NAALADL2: variants seen among roughly 807,000 people sequenced by gnomAD.
NAALADL2 encodes N-acetylated alpha-linked acidic dipeptidase like 2.
A neutral mutation model predicts 87.2 loss-of-function variants in NAALADL2; 76 were observed. The observed-to-expected ratio is 0.87, with a 90% confidence interval of 0.72 to 1.05. The LOEUF is 1.05. Ranked by LOEUF, NAALADL2 falls within the 50% of genes least tolerant of loss-of-function variation. The probability of loss-of-function intolerance (pLI) is 0.00; values close to 1 mark genes in which losing one functional copy is unlikely to be tolerated. For synonymous variants in NAALADL2, 354 were observed against 331.0 expected (o/e 1.07, Z -0.75); for missense variants, 1,089 against 945.8 (o/e 1.15, Z -1.99).
At chr3:174,919,857 T>A (rs1022535761) in intron 1 of NAALADL2, among the ~76,000 whole-genome samples, 1 of 152,218 alleles carries the variant, frequency 6.6e-6, no homozygotes, top group African/African-American at 2.4e-5. Context: ...TTGATCCATA[T>A]GCTGCAGAAC....
chr3:175,782,744 C>T (rs1191686328), intron 13 of NAALADL2, among the ~76,000 whole-genome samples: 1 of 141,372 alleles, frequency 7.1e-6, no homozygotes, highest in Non-Finnish European at 1.5e-5. Context: ...CTTTTGTTGC[C>T]ATTGCTTTTG....
At chr3:175,061,128 C>T (rs1261310519) in intron 1 of NAALADL2, among the ~76,000 whole-genome samples, 1 of 152,046 alleles carries the variant, frequency 6.6e-6, no homozygotes, top group Non-Finnish European at 1.5e-5. Flanking sequence ...ATCCATTTTT[C>T]TTTTCTTAAA....
chr3:174,799,812 A>G (rs1172768040), intron 3 of NAALADL2, among the ~76,000 whole-genome samples: 1 of 152,160 alleles, frequency 6.6e-6, no homozygotes, highest in Non-Finnish European at 1.5e-5. Flanking sequence ...AATGGCTTTG[A>G]CCAAAAGCCT....
chr3:175,201,218 T>A, intron 2 of NAALADL2, among the ~76,000 whole-genome samples: 1 of 152,308 alleles, frequency 6.6e-6, no homozygotes, highest in South Asian at 2.1e-4. Context: ...AGATCAGATA[T>A]GCTCCGTAAC....
chr3:174,794,553 G>A lies in NAALADL2; in HGVS notation c.-9+56807G>A, dbSNP rs532029839. Among the ~76,000 whole-genome samples the A allele has an allele frequency of 4.6e-5, 7 of 152,258 alleles. No homozygotes were observed. The South Asian group carries it at 1.5e-3, about 32-fold the overall frequency. On this transcript the variant is annotated intron_variant, in intron 3 of 3. Transcript: ENST00000434257. The stretch of plus-strand genomic sequence containing the variant: ...CCAGAGTTATTGGATATTTGCTAAT[G>A]CAGGATATCTTTTTCTTATTTAAGT...
chr3:175,624,292 C>T (rs977589490), intron 10 of NAALADL2, among the ~76,000 whole-genome samples: 5 of 151,996 alleles, frequency 3.3e-5, no homozygotes, highest in African/African-American at 1.2e-4. Context: ...CAGAGTTCCT[C>T]CTCATTTTCC....
At chr3:175,222,706 G>A (rs976795889) in intron 2 of NAALADL2, among the ~76,000 whole-genome samples, 1 of 151,936 alleles carries the variant, frequency 6.6e-6, no homozygotes, top group African/African-American at 2.4e-5. Flanking sequence ...GTTTTTGAAA[G>A]TTATATATGT....
intron 2 of NAALADL2, among the ~76,000 whole-genome samples, chr3:175,214,989 TTAAAC>T (rs1742297603): frequency 6.6e-6 from 1 of 152,160 alleles, no homozygotes; most frequent in Non-Finnish European, 1.5e-5. Flanking sequence ...TTATGGTACT[TTAAAC>T]TATACGGACT....
intron 10 of NAALADL2, among the ~76,000 whole-genome samples, chr3:175,607,601 C>T (rs1032273690): frequency 6.6e-6 from 1 of 151,924 alleles, no homozygotes; most frequent in Non-Finnish European, 1.5e-5. Context: ...GGGTAGTAAA[C>T]CATCGTTTGA....
At chr3:175,064,821 G>T (rs543458367) in intron 1 of NAALADL2, among the ~76,000 whole-genome samples, 9 of 152,038 alleles carry the variant, frequency 5.9e-5, no homozygotes, top group Non-Finnish European at 1.0e-4. Context: ...AATCCTTCCC[G>T]GTGGAGCTGT....
chr3:174,743,029 T>C (rs1733906349), intron 3 of NAALADL2, among the ~76,000 whole-genome samples: 1 of 151,756 alleles, frequency 6.6e-6, no homozygotes, highest in East Asian at 1.9e-4. Context: ...AATTCACTTT[T>C]ATTTGTAGCT....
chr3:175,213,998 G>A (rs1742137298), intron 2 of NAALADL2, among the ~76,000 whole-genome samples: 1 of 151,964 alleles, frequency 6.6e-6, no homozygotes, highest in African/African-American at 2.4e-5. Flanking sequence ...TAAAGTAACG[G>A]GAAGAAAATT....
chr3:174,828,059 G>A (rs1482598682), intron 3 of NAALADL2, among the ~76,000 whole-genome samples: 1 of 152,078 alleles, frequency 6.6e-6, no homozygotes, highest in Non-Finnish European at 1.5e-5. Flanking sequence ...GCTCATACCT[G>A]TAGTCCCCAG....
chr3:174,534,118 T>A (rs1351803583), intron 1 of NAALADL2, among the ~76,000 whole-genome samples: 1 of 152,162 alleles, frequency 6.6e-6, no homozygotes, highest in Non-Finnish European at 1.5e-5. Flanking sequence ...CAAAAAAGTA[T>A]TTAAAGGGCA....
chr3:175,357,849 G>T (rs963276642), intron 5 of NAALADL2, among the ~76,000 whole-genome samples: 1 of 152,112 alleles, frequency 6.6e-6, no homozygotes, highest in African/African-American at 2.4e-5. Context: ...AGGGAATTGG[G>T]TTTATAGAGG....
intron 2 of NAALADL2, among the ~76,000 whole-genome samples, chr3:175,175,100 A>G (rs1305055333): frequency 2.6e-5 from 4 of 152,054 alleles, no homozygotes; most frequent in Admixed American, 1.3e-4. Context: ...TTAAATTTAT[A>G]CAAATTCTAT....
intron 1 of NAALADL2, among the ~76,000 whole-genome samples, chr3:174,515,884 A>G (rs1719912220): frequency 6.6e-6 from 1 of 152,088 alleles, no homozygotes; most frequent in Admixed American, 6.5e-5. Flanking sequence ...AGTCTTAGAT[A>G]AAAACAGACA....
chr3:175,470,996 A>G (rs1359323401), intron 8 of NAALADL2, among the ~76,000 whole-genome samples: 1 of 152,112 alleles, frequency 6.6e-6, no homozygotes, highest in Non-Finnish European at 1.5e-5. Context: ...GTAACTCTAA[A>G]ATTAAGTTGC....
At chr3:174,492,597 T>A (rs1205688934) in intron 1 of NAALADL2, among the ~76,000 whole-genome samples, 1 of 152,184 alleles carries the variant, frequency 6.6e-6, no homozygotes, top group African/African-American at 2.4e-5. Context: ...AAAAACAGTG[T>A]CTTCAGAGAG....
Sources: gnomAD v4.1 joint callset for allele counts (sites outside exome capture counted in the v4.1 genomes callset) on GRCh38, gnomAD v4.1.1 for gene constraint, MANE v1.5 for transcripts, NCBI Gene and HGNC (gene_info 2026-07-23, HGNC 2026-07-21) for gene names.